The following TEX261 variants were observed in gnomAD, a reference collection of about 807,000 sequenced individuals.
TEX261 encodes protein TEX261.
TEX261 carries 13 observed loss-of-function variants against 25.1 expected under a neutral mutation model. The observed-to-expected ratio is 0.52, with a 90% CI of 0.34 to 0.82. The LOEUF is 0.82. TEX261 is among the 40% of genes least tolerant of loss of function. The pLI is 0.02. For missense variants in TEX261, 206 were observed against 243.2 expected (o/e 0.85, Z 1.02); for synonymous variants, 92 against 97.8 (o/e 0.94, Z 0.35).
chr2:70,994,836 C>A lies in TEX261; in HGVS notation c.-79G>T, dbSNP rs1572943964. 1 of 1,245,210 alleles carries A rather than the reference C, an allele frequency of 8.0e-7. No individual in the cohort carries two copies. Among genetic ancestry groups the A allele is most frequent in the Non-Finnish European group, 1.0e-6 (1 of 995,452 alleles). 77.1% of individuals were successfully genotyped at this position (1,245,210 alleles called of 1,614,324 possible). On this transcript the variant is annotated 5_prime_UTR_variant, in exon 1 of 6. Coordinates refer to ENST00000272438, the MANE Select transcript of TEX261 (RefSeq NM_144582.3). Reference sequence around the variant, plus strand: ...CTCCGGCGACACACAGCCGCCACCGCCGCCGCCGCCGCCGCGTCCCCGCCC... The same window carrying A: ...CTCCGGCGACACACAGCCGCCACCGACGCCGCCGCCGCCGCGTCCCCGCCC...
At chr2:70,989,570 GCA>G (rs1670262711) in intron 4 of TEX261, 177 bp downstream of exon 4, 3 of 591,052 alleles carry the variant, frequency 5.1e-6, no homozygotes, top group Middle Eastern at 4.6e-4. Flanking sequence ...GGCCAAATGA[GCA>G]CAGTCTGTCC....
intron 4 of TEX261, 197 bp downstream of exon 4, chr2:70,989,552 C>G (rs569018390): frequency 1.4e-5 from 8 of 568,420 alleles, no homozygotes; most frequent in South Asian, 1.4e-4. Context: ...CAGTGTCCTC[C>G]CCACCTCGGC....
chr2:70,991,972 A>G lies in TEX261; in HGVS notation c.162T>C (p.Ala54=). The G allele has an allele frequency of 6.2e-7, 1 of 1,600,740 alleles. No homozygotes were observed. Among genetic ancestry groups the G allele is most frequent in the Non-Finnish European group, 8.5e-7 (1 of 1,172,948 alleles). ...IIKYMIWFST[A]VLIGLYVFER... ...CAAAGACGTAGAGGCCAATCAGTAC[A>G]GCGGTGGAGAACTGAAACAACCAGA... Residue 54 remains alanine (A), a synonymous_variant, in exon 3 of 6, where the codon GCT becomes GCC. Coordinates refer to ENST00000272438, the MANE Select transcript of TEX261 (RefSeq NM_144582.3).
intron 3 of TEX261, 53 bp downstream of exon 3, chr2:70,991,777 A>C: frequency 6.3e-7 from 1 of 1,591,670 alleles, no homozygotes; most frequent in Non-Finnish European, 8.6e-7. Context: ...CCCAGGATGG[A>C]GATGGGCACA....
chr2:70,994,491 T>C, intron 1 of TEX261, 197 bp downstream of exon 1: 1 of 723,058 alleles, frequency 1.4e-6, no homozygotes, highest in Non-Finnish European at 2.2e-6. Flanking sequence ...CTGTGACACC[T>C]GGAAGGAGCC....
intron 3 of TEX261, among the ~76,000 whole-genome samples, 178 bp from the exon 4 acceptor site, chr2:70,989,994 G>GC (rs1253058394): frequency 6.6e-6 from 1 of 152,224 alleles, no homozygotes; most frequent in African/African-American, 2.4e-5. Flanking sequence ...GGGAGAATGA[G>GC]CCTCAACCTG....
intron 4 of TEX261, 68 bp downstream of exon 4, chr2:70,989,681 T>A: frequency 9.3e-7 from 1 of 1,076,710 alleles, no homozygotes; most frequent in Non-Finnish European, 1.4e-6. Context: ...GTTTATAAAG[T>A]AAACCATGCA....
intron 2 of TEX261, among the ~76,000 whole-genome samples, chr2:70,992,787 A>G (rs1210495819): frequency 1.3e-5 from 2 of 152,032 alleles, no homozygotes; most frequent in Non-Finnish European, 2.9e-5. Flanking sequence ...ACATATATAC[A>G]TATATATGAT....
In TEX261 at chr2:70,990,118, G is replaced by A. The variant is rs147144230; in HGVS notation, c.305-302C>T. Among the ~76,000 whole-genome samples, 42 of 152,246 alleles carry A rather than the reference G, an allele frequency of 2.8e-4. No homozygotes were observed. In the East Asian group the frequency reaches 6.9e-3, roughly 25 times the overall value. ...ATCATGACGATGAACCTCGTTTTTC[G>A]TGGATGTGAGGGCTAAAGAAAGCTC... On this transcript the variant is annotated intron_variant, in intron 3 of 5. Transcript: ENST00000272438.
Position 70,989,265 on chromosome 2 carries a change from G to A in TEX261, c.373-248C>T, listed in dbSNP as rs114923686. On this transcript the variant is annotated intron_variant, in intron 4 of 5. Coordinates refer to ENST00000272438, the MANE Select transcript of TEX261 (RefSeq NM_144582.3). Reference sequence around the variant, plus strand: ...GGTCGCTAGGACAAGCAACTCCCCTGGACTGAAGGAGGCAGACAAAGTGCT... The same window carrying A: ...GGTCGCTAGGACAAGCAACTCCCCTAGACTGAAGGAGGCAGACAAAGTGCT... 208 of 557,096 alleles carry A rather than the reference G, an allele frequency of 3.7e-4. 1 individual carries two copies. Among genetic ancestry groups the A allele is most frequent in the African/African-American group, 3.4e-3 (181 of 53,062 alleles). The allele number at this position is 557,096 out of a possible 1,614,324, so 34.5% of individuals were successfully genotyped here.
chr2:70,989,637 T>C, intron 4 of TEX261, 112 bp downstream of exon 4: 1 of 801,510 alleles, frequency 1.2e-6, no homozygotes, highest in South Asian at 1.6e-5. Context: ...AAACATGTAA[T>C]CCTTGAACAG....
At chr2:70,992,165 A>G (rs544633429) in intron 2 of TEX261, among the ~76,000 whole-genome samples, 182 bp from the exon 3 acceptor site, 3 of 125,838 alleles carry the variant, frequency 2.4e-5, no homozygotes, top group Non-Finnish European at 3.4e-5. Flanking sequence ...TTTTTTTTTG[A>G]GACGGAGTCT....
In TEX261 at chr2:70,988,513, C is replaced by G. The variant is rs1646204364; in HGVS notation, c.*87G>C. ...GAAAGCCAGGGCAGGTGGTAGGTGCCTTCCCGACTTCTGGTCCCCACCTGG... is the reference window on the plus strand; with the variant it reads ...GAAAGCCAGGGCAGGTGGTAGGTGCGTTCCCGACTTCTGGTCCCCACCTGG... On this transcript the variant is annotated 3_prime_UTR_variant, in exon 6 of 6. Coordinates refer to ENST00000272438, the MANE Select transcript of TEX261 (RefSeq NM_144582.3). 9.5e-7 allele frequency: 1 copy of G among 1,053,998 alleles called. No homozygotes were observed. Among genetic ancestry groups the G allele is most frequent in the Non-Finnish European group, 1.5e-6 (1 of 679,136 alleles). The allele number at this position is 1,053,998 out of a possible 1,614,324, so 65.3% of individuals were successfully genotyped here. A position where few individuals can be genotyped will look rare whatever the true frequency, so the allele number is the denominator to read the frequency against.
At chr2:70,988,757 T>G in intron 5 of TEX261, 42 bp from the exon 6 acceptor site, 4 of 1,476,980 alleles carry the variant, frequency 2.7e-6, no homozygotes, top group Non-Finnish European at 3.8e-6. Flanking sequence ...AGAGAGAGTG[T>G]GTGTGTGTGT....
In TEX261 at chr2:70,986,536, A is replaced by C. The variant is rs1465219087; in HGVS notation, c.*2064T>G. 6.6e-6 allele frequency: 1 copy of C among 152,624 alleles called. No homozygotes were observed. The highest frequency in any genetic ancestry group is 2.4e-5 in the African/African-American group (1 of 41,426). 9.5% of individuals were successfully genotyped at this position (152,624 alleles called of 1,614,324 possible). A position where few individuals can be genotyped will look rare whatever the true frequency, so the allele number is the denominator to read the frequency against. On this transcript the variant is annotated 3_prime_UTR_variant, in exon 6 of 6. Coordinates refer to ENST00000272438, the MANE Select transcript of TEX261 (RefSeq NM_144582.3). Reference sequence around the variant, plus strand: ...GACAGTGGGAGTGGCTCAAATCAAGAGATGTTAAGGTAGACCTGACCGTTT... The same window carrying C: ...GACAGTGGGAGTGGCTCAAATCAAGCGATGTTAAGGTAGACCTGACCGTTT...
At chr2:70,991,732 A>G in intron 3 of TEX261, 98 bp downstream of exon 3, 5 of 1,449,900 alleles carry the variant, frequency 3.4e-6, no homozygotes, top group South Asian at 2.7e-5. Flanking sequence ...GAGGACTTCA[A>G]CAGCTGGCTT....
rs554043189 is a variant in TEX261 at position 70,991,939 on chromosome 2, G to C, written c.195C>G (p.Phe65Leu). ...GGCCCACTCCAATCATGCTGGTGGGGAAGCGCTCAAAGACGTAGAGGCCAA... is the reference window on the plus strand; with the variant it reads ...GGCCCACTCCAATCATGCTGGTGGGCAAGCGCTCAAAGACGTAGAGGCCAA... The part of the protein sequence containing the change: ...VLIGLYVFER[F>L]PTSMIGVGLF... Residue 65 changes from phenylalanine to leucine, a missense_variant, in exon 3 of 6, where the codon TTC becomes TTG. Phe to Leu is a conservative substitution (Grantham distance 22, BLOSUM62 0). Transcript: ENST00000272438. 1.9e-6 allele frequency: 3 copies of C among 1,613,292 alleles called. No individual in the cohort carries two copies. The highest frequency in any genetic ancestry group is 2.5e-6 in the Non-Finnish European group (3 of 1,179,602).
chr2:70,993,145 T>C (rs1490197836), intron 2 of TEX261, among the ~76,000 whole-genome samples: 2 of 152,216 alleles, frequency 1.3e-5, no homozygotes, highest in African/African-American at 4.8e-5. Context: ...CAGCCTTTCC[T>C]GCAGCTGAAG....
At position 70,988,935 on chromosome 2, in the gene TEX261, G is replaced by A; in HGVS notation, c.455C>T (p.Pro152Leu). Residue 152 changes from proline (P) to leucine (L), a missense_variant, in exon 5 of 6, where the codon CCC (proline) becomes CTC (leucine). By Grantham distance (98) the Pro-to-Leu change is moderately conservative. Transcript: ENST00000272438. ...VSLSAGENVL[P>L]STMQPGDDVV... ...CTCACCTCCTGGCTGCATGGTAGAG[G>A]GCAGGACGTTCTCCCCGGCCGAAAG... 1 of 1,614,050 alleles carries A rather than the reference G, an allele frequency of 6.2e-7. No individual in the cohort carries two copies. The highest frequency in any genetic ancestry group is 8.5e-7 in the Non-Finnish European group (1 of 1,180,010).
Sources: gnomAD v4.1 joint callset for allele counts (sites outside exome capture counted in the v4.1 genomes callset) on GRCh38, gnomAD v4.1.1 for gene constraint, MANE v1.5 for transcripts, NCBI Gene and HGNC (gene_info 2026-07-23, HGNC 2026-07-21) for gene names.